Variants in PAN3 observed in about 807,000 individuals in gnomAD.
The protein encoded by PAN3 is PAN2-PAN3 deadenylation complex subunit PAN3.
A neutral mutation model predicts 96.2 loss-of-function variants in PAN3; 19 were observed. That is an observed-to-expected ratio of 0.20 (90% CI 0.14 to 0.29). The LOEUF (loss-of-function observed/expected upper bound fraction) is 0.29, where lower values mean the gene tolerates loss of function less well. PAN3 is among the 10% of genes least tolerant of loss of function. The pLI is 1.00. For missense variants in PAN3, 882 were observed against 1,108.1 expected (o/e 0.80, Z 2.90); for synonymous variants, 433 against 406.6 (o/e 1.06, Z -0.78).
intron 1 of PAN3, among the ~76,000 whole-genome samples, chr13:28,145,314 AT>A (rs1870484429): frequency 6.6e-6 from 1 of 151,730 alleles, no homozygotes; most frequent in Non-Finnish European, 1.5e-5. Context: ...TTGGCTTTCA[AT>A]TTTTTGACTT....
intron 6 of PAN3, among the ~76,000 whole-genome samples, chr13:28,254,764 C>G (rs1885004902): frequency 6.6e-6 from 1 of 151,768 alleles, no homozygotes; most frequent in South Asian, 2.1e-4. Context: ...TAAGACATAA[C>G]TCGAGAATTC....
intron 3 of PAN3, 54 bp from the exon 4 acceptor site, chr13:28,177,811 A>C: frequency 7.0e-7 from 1 of 1,426,620 alleles, no homozygotes; most frequent in Non-Finnish European, 9.9e-7. Context: ...CAGTTATTAG[A>C]TTTGCGGGTT....
rs1872455865 is a variant in PAN3, at chr13:28,158,149, A to C, written c.431-16123A>C. Among the ~76,000 whole-genome samples the C allele has an allele frequency of 2.6e-5, 4 of 152,224 alleles. No homozygotes were observed. The South Asian group carries it at 8.3e-4, about 31-fold the overall frequency. On this transcript the variant is annotated intron_variant, in intron 1 of 18. Transcript: ENST00000380958. Reference sequence around the variant, plus strand: ...CTGAGATAACTGGCTAGCCATATTCAAAAGATTGAAACTGGACACCTTTGT... The same window carrying C: ...CTGAGATAACTGGCTAGCCATATTCCAAAGATTGAAACTGGACACCTTTGT...
intron 1 of PAN3, among the ~76,000 whole-genome samples, chr13:28,167,082 A>ATTTTTTTT (rs1158467405): frequency 8.5e-6 from 1 of 118,338 alleles, no homozygotes; most frequent in African/African-American, 3.2e-5. Context: ...TTTTATCTTA[A>ATTTTTTTT]TTTTTTTTTT....
At chr13:28,227,723 G>A (rs925902859) in intron 6 of PAN3, among the ~76,000 whole-genome samples, 7 of 152,174 alleles carry the variant, frequency 4.6e-5, no homozygotes, top group African/African-American at 9.7e-5. Context: ...ACAGTGGTGC[G>A]AAGTAGTAAA....
chr13:28,249,742 G>A (rs752287987), intron 6 of PAN3, among the ~76,000 whole-genome samples: 4 of 152,154 alleles, frequency 2.6e-5, no homozygotes, highest in East Asian at 1.9e-4. Flanking sequence ...GAGCCACCGC[G>A]CCCGGCCAAT....
intron 7 of PAN3, 72 bp downstream of exon 7, chr13:28,256,611 C>T (rs925213622): frequency 6.9e-7 from 1 of 1,446,006 alleles, no homozygotes; most frequent in Non-Finnish European, 9.3e-7. Flanking sequence ...AGGCGGTCTA[C>T]CCCCTCCTGC....
At position 28,174,343 on chromosome 13, in the gene PAN3, G is replaced by A. The variant is rs1261294053; in HGVS notation, c.502G>A (p.Gly168Arg). The A allele has an allele frequency of 6.2e-7, 1 of 1,612,582 alleles. No homozygotes were observed. The highest frequency in any genetic ancestry group is 2.2e-5 in the East Asian group (1 of 44,838). ...TTCCTATTTTAGCACCAGCTTTATT[G>A]GAGTCAATGGATTTGGAAGCCCTGT... ...TDSYFSTSFIGVNGFGSPVET... is the reference protein window; with the variant it reads ...TDSYFSTSFIRVNGFGSPVET... The change falls in exon 2 of 19, where the codon GGA becomes AGA. Residue 168 changes from glycine to arginine, a missense_variant. Gly to Arg is a moderately radical substitution (Grantham distance 125). This residue lies in a region of PAN3 where 442 missense variants were observed against 422.8 expected (regional missense o/e 1.05). Transcript: ENST00000380958.
Position 28,165,977 on chromosome 13 carries a change from G to T in PAN3, c.431-8295G>T, listed in dbSNP as rs571729504. Among the ~76,000 whole-genome samples, 4 of 152,268 alleles carry T rather than the reference G, an allele frequency of 2.6e-5. No individual in the cohort carries two copies. The South Asian group carries it at 6.2e-4, about 24-fold the overall frequency. The stretch of plus-strand genomic sequence containing the variant: ...ATCACATTGATAAGTTTCAACACAT[G>T]AATTTTGCAGGGGGTCGGGGGGACA... On this transcript the variant is annotated intron_variant, in intron 1 of 18. Transcript: ENST00000380958.
intron 5 of PAN3, chr13:28,214,801 G>C (rs1432560762): frequency 1.6e-6 from 1 of 618,098 alleles, no homozygotes; most frequent in African/African-American, 1.8e-5. Flanking sequence ...CCAGGACACA[G>C]AGACTTCATC....
chr13:28,176,401 G>A, intron 2 of PAN3, 92 bp from the exon 3 acceptor site: 4 of 1,108,620 alleles, frequency 3.6e-6, no homozygotes, highest in Non-Finnish European at 4.1e-6. Context: ...TAGATTGGAG[G>A]GGAAGAAGCA....
At chr13:28,216,488 A>G (rs1019825376) in intron 5 of PAN3, among the ~76,000 whole-genome samples, 4 of 152,220 alleles carry the variant, frequency 2.6e-5, no homozygotes, top group Admixed American at 2.6e-4. Context: ...TTACATGTTA[A>G]TTGTATCTTA....
chr13:28,234,917 C>T (rs1197209047), intron 6 of PAN3, among the ~76,000 whole-genome samples: 1 of 152,098 alleles, frequency 6.6e-6, no homozygotes, highest in Non-Finnish European at 1.5e-5. Flanking sequence ...CGCTTCCATG[C>T]ACTATTTAGG....
intron 18 of PAN3, among the ~76,000 whole-genome samples, chr13:28,291,977 C>T (rs949237841): frequency 6.6e-6 from 1 of 151,956 alleles, no homozygotes. Context: ...TTTCTTAATA[C>T]TTTACATTTT....
intron 1 of PAN3, among the ~76,000 whole-genome samples, chr13:28,154,274 T>C (rs529648924): frequency 1.3e-5 from 2 of 152,294 alleles, no homozygotes; most frequent in South Asian, 4.1e-4. Context: ...ATCATAAACA[T>C]GTTCAGGTCA....
At chr13:28,149,697 C>T (rs758035389) in intron 1 of PAN3, among the ~76,000 whole-genome samples, 17 of 152,126 alleles carry the variant, frequency 1.1e-4, no homozygotes, top group Non-Finnish European at 1.6e-4. Flanking sequence ...CTGCATGCAC[C>T]CTTGAACTCC....
chr13:28,193,853 A>G (rs553138255), intron 4 of PAN3, among the ~76,000 whole-genome samples: 12 of 151,426 alleles, frequency 7.9e-5, no homozygotes, highest in Non-Finnish European at 1.3e-4. Flanking sequence ...GACTGTAATA[A>G]CTGTGTCAAA....
At chr13:28,201,448 A>C (rs1445886594) in intron 5 of PAN3, among the ~76,000 whole-genome samples, 3 of 152,140 alleles carry the variant, frequency 2.0e-5, no homozygotes, top group Non-Finnish European at 2.9e-5. Flanking sequence ...TGGGAGGCTG[A>C]GGCAGGAGAA....
chr13:28,250,713 AGACT>A (rs371916737), intron 6 of PAN3, among the ~76,000 whole-genome samples: 166 of 152,256 alleles, frequency 1.1e-3, no homozygotes, highest in African/African-American at 3.9e-3. Flanking sequence ...CATGTTGCCC[AGACT>A]GGCCTCTAAC....
Sources: gnomAD v4.1 joint callset for allele counts (sites outside exome capture counted in the v4.1 genomes callset) on GRCh38, gnomAD v4.1.1 for gene constraint, gnomAD v4.1.1 regional missense constraint, MANE v1.5 for transcripts, NCBI Gene and HGNC (gene_info 2026-07-23, HGNC 2026-07-21) for gene names.